The following RPAP3 variants were observed in gnomAD, a reference collection of about 807,000 sequenced individuals.
The protein encoded by RPAP3 is RNA polymerase II-associated protein 3.
Under a neutral mutation model 88.8 loss-of-function variants are expected in RPAP3, and 58 were observed. The ratio of observed to expected loss-of-function variants is 0.65; its 90% CI spans 0.53 to 0.81. RPAP3 has a LOEUF of 0.81. Among genes scored for constraint, RPAP3 ranks in the 40% least tolerant of loss-of-function variants. The pLI is 0.00. For synonymous variants in RPAP3, 255 were observed against 259.9 expected, an observed-to-expected ratio of 0.98 and a Z score of 0.18; for missense variants, 751 against 764.3, an observed-to-expected ratio of 0.98 and a Z score of 0.20.
At chr12:47,686,695 G>T in intron 9 of RPAP3, 85 bp downstream of exon 9, 1 of 1,041,768 alleles carries the variant, frequency 9.6e-7, no homozygotes, top group Non-Finnish European at 1.3e-6. Flanking sequence ...GCCATAATTG[G>T]CATGTTAGGT....
intron 1 of RPAP3, among the ~76,000 whole-genome samples, chr12:47,704,803 G>A (rs774195609): frequency 9.2e-5 from 14 of 152,028 alleles, no homozygotes; most frequent in Non-Finnish European, 1.8e-4. Context: ...TTGGGCTCAG[G>A]AGTTCCTAGA....
chr12:47,702,938 A>AG (rs1939685621), intron 1 of RPAP3, 92 bp from the exon 2 acceptor site: 2 of 964,440 alleles, frequency 2.1e-6, no homozygotes, highest in African/African-American at 3.3e-5. Context: ...ACCACTTCAT[A>AG]AGTGGCCAAG....
chr12:47,696,160 AG>A, intron 5 of RPAP3, 115 bp downstream of exon 5: 2 of 879,922 alleles, frequency 2.3e-6, no homozygotes. Context: ...ACAGTTGAAA[AG>A]AAAATGCAAT....
intron 5 of RPAP3, 54 bp from the exon 6 acceptor site, chr12:47,690,693 C>A: frequency 8.0e-7 from 1 of 1,257,588 alleles, no homozygotes; most frequent in Non-Finnish European, 1.1e-6. Flanking sequence ...ATTTACTAAA[C>A]CAAAACTTCA....
At chr12:47,703,608 C>G (rs1939703042) in intron 1 of RPAP3, among the ~76,000 whole-genome samples, 1 of 152,068 alleles carries the variant, frequency 6.6e-6, no homozygotes, top group Non-Finnish European at 1.5e-5. Context: ...GGTGGTGTCA[C>G]GGAAGGAGTC....
intron 13 of RPAP3, among the ~76,000 whole-genome samples, 181 bp downstream of exon 13, chr12:47,669,926 T>C (rs1454636570): frequency 1.3e-5 from 2 of 152,124 alleles, no homozygotes; most frequent in African/African-American, 4.8e-5. Flanking sequence ...AAAATAGTAA[T>C]CATTCTTTAA....
At chr12:47,670,891 T>C (rs572958251) in intron 12 of RPAP3, among the ~76,000 whole-genome samples, 1 of 152,312 alleles carries the variant, frequency 6.6e-6, no homozygotes, top group South Asian at 2.1e-4. Context: ...TATTGTGGAC[T>C]AACTGAAGGC....
chr12:47,679,503 G>T lies in RPAP3; in HGVS notation c.1277C>A (p.Pro426His). Residue 426 changes from proline to histidine, a missense_variant, in exon 12 of 17, where the codon CCT (proline) becomes CAT (histidine). Transcript: ENST00000005386. ...AAGTGCTTTACTTACAGTTGATCCA[G>T]GATGCGGTGGATTATCAATGGGTTT... ...VVKPIDNPPH[P>H]GSTKPLKKVI... 6.3e-7 allele frequency: 1 copy of T among 1,596,114 alleles called. No individual in the cohort carries two copies. The highest frequency in any genetic ancestry group is 8.6e-7 in the Non-Finnish European group (1 of 1,167,590).
intron 12 of RPAP3, among the ~76,000 whole-genome samples, chr12:47,672,286 C>A (rs1156372448): frequency 6.6e-6 from 1 of 152,128 alleles, no homozygotes; most frequent in Non-Finnish European, 1.5e-5. Flanking sequence ...CCTGCCCTAG[C>A]CTTTCATTTC....
At chr12:47,676,278 C>T (rs987702071) in intron 12 of RPAP3, among the ~76,000 whole-genome samples, 12 of 152,074 alleles carry the variant, frequency 7.9e-5, no homozygotes, top group African/African-American at 2.9e-4. Context: ...CACTAAATGC[C>T]CACAAGAGAA....
At chr12:47,690,689 TAAACCAAAACTTC>T in intron 5 of RPAP3, 50 bp from the exon 6 acceptor site, 2 of 1,299,602 alleles carry the variant, frequency 1.5e-6, no homozygotes, top group Non-Finnish European at 1.0e-6. Context: ...ACTAATTTAC[TAAACCAAAACTTC>T]AAAATTTGTT....
chr12:47,695,264 A>C (rs1416195165), intron 5 of RPAP3, among the ~76,000 whole-genome samples: 1 of 148,904 alleles, frequency 6.7e-6, no homozygotes, highest in East Asian at 2.2e-4. Flanking sequence ...TAGAGCTATA[A>C]GCATCAAAAC....
At chr12:47,667,232 TTA>T (rs1227299182) in intron 15 of RPAP3, 152 bp from the exon 16 acceptor site, 1 of 376,350 alleles carries the variant, frequency 2.7e-6, no homozygotes, top group Non-Finnish European at 4.7e-6. Flanking sequence ...ATGAAGAGAT[TTA>T]TCAAGTCAAC....
chr12:47,679,685 G>C lies in RPAP3; in HGVS notation c.1185+19C>G, dbSNP rs1939185116. 1.9e-6 allele frequency: 3 copies of C among 1,571,288 alleles called. No individual in the cohort carries two copies. In the East Asian group the frequency reaches 6.8e-5, roughly 35 times the overall value. Reference sequence around the variant, plus strand: ...GTTTCAGAAAATATGACCATGTTTGGGTGAAAAGAATACATTACCTTTTTA... The same window carrying C: ...GTTTCAGAAAATATGACCATGTTTGCGTGAAAAGAATACATTACCTTTTTA... On this transcript the variant is annotated intron_variant, in intron 11 of 16. Transcript: ENST00000005386.
chr12:47,678,351 T>C (rs1939157224), intron 12 of RPAP3, among the ~76,000 whole-genome samples: 1 of 152,176 alleles, frequency 6.6e-6, no homozygotes, highest in Non-Finnish European at 1.5e-5. Context: ...AAGGACTTCA[T>C]GACTAAAACA....
intron 9 of RPAP3, among the ~76,000 whole-genome samples, chr12:47,686,262 A>T (rs1939318568): frequency 6.6e-6 from 1 of 152,232 alleles, no homozygotes; most frequent in Non-Finnish European, 1.5e-5. Context: ...AATGTTTGTT[A>T]CATATGTTAT....
chr12:47,676,584 A>AAATACAAACTACCGTCAGAGAAT, intron 12 of RPAP3, among the ~76,000 whole-genome samples: 1 of 152,358 alleles, frequency 6.6e-6, no homozygotes, highest in Non-Finnish European at 1.5e-5. Context: ...GATCCCACAG[A>AAATACAAACTACCGTCAGAGAAT]AATACAAACT....
chr12:47,704,850 T>C (rs903723922), intron 1 of RPAP3, among the ~76,000 whole-genome samples: 4 of 151,798 alleles, frequency 2.6e-5, no homozygotes, highest in African/African-American at 9.7e-5. Flanking sequence ...CCATCTCTAC[T>C]AAAAACACAA....
At position 47,679,474 on chromosome 12, in the gene RPAP3, AT is replaced by A. The variant is rs770104016; in HGVS notation, c.1287+18del. ...AACATATTTAAATGGCAAGGAAAAA[AT>A]GAAAGTGCTTTACTTACAGTTGATC... On this transcript the variant is annotated intron_variant, in intron 12 of 16. Coordinates refer to ENST00000005386, the MANE Select transcript of RPAP3 (RefSeq NM_024604.3). The A allele has an allele frequency of 6.7e-7, 1 of 1,495,868 alleles. No homozygotes were observed. The highest frequency in any genetic ancestry group is 9.2e-7 in the Non-Finnish European group (1 of 1,085,282). 92.7% of individuals were successfully genotyped at this position (1,495,868 alleles called of 1,614,324 possible).
Sources: allele counts gnomAD v4.1 joint callset (sites outside exome capture counted in the v4.1 genomes callset), GRCh38; gene constraint gnomAD v4.1.1; transcripts MANE v1.5; gene names NCBI Gene and HGNC (gene_info 2026-07-23, HGNC 2026-07-21).